The following SNRPN variants were observed in gnomAD, a reference collection of about 807,000 sequenced individuals.
SNRPN encodes the protein small nuclear ribonucleoprotein polypeptide N, also known as small nuclear ribonucleoprotein-associated protein N.
SNRPN carries 7 observed loss-of-function variants against 25.2 expected under a neutral mutation model. The observed-to-expected ratio is 0.28, with a 90% CI of 0.16 to 0.52. SNRPN has a LOEUF of 0.52. SNRPN is among the 20% of genes least tolerant of loss of function. The pLI, the probability that SNRPN is intolerant of heterozygous loss-of-function variation, is 0.96. For missense variants in SNRPN, 196 were observed against 322.5 expected, an observed-to-expected ratio of 0.61 and a Z score of 3.00; for synonymous variants, 124 against 110.6, an observed-to-expected ratio of 1.12 and a Z score of -0.76.
chr15:24,945,093 C>T (rs938248078), intron 3 of SNRPN, among the ~76,000 whole-genome samples: 1 of 152,082 alleles, frequency 6.6e-6, no homozygotes, highest in African/African-American at 2.4e-5. Flanking sequence ...CCCATTGACA[C>T]ATAAGATCAC....
Position 24,918,518 on chromosome 15 carries a change from A to ATGTGTG in SNRPN, c.-504-1492_-504-1491insGTGTGT, listed in dbSNP as rs1566909101. On this transcript the variant is annotated intron_variant, in intron 2 of 11. Transcript: ENST00000400097. ...TGTGTGTATATATAACATAATATAT[A>ATGTGTG]TATGTGTATATATAACATAATATAT... 6.5e-4 allele frequency among the ~76,000 whole-genome samples: 85 copies of ATGTGTG among 131,704 alleles called. 3 individuals are homozygous for ATGTGTG. Among genetic ancestry groups the ATGTGTG allele is most frequent in the East Asian group, 1.5e-3 (7 of 4,722 alleles). The allele number at this position is 131,704 out of a possible 152,430, so 86.4% of individuals were successfully genotyped here.
At chr15:24,905,365 T>A (rs2058729274) in intron 2 of SNRPN, among the ~76,000 whole-genome samples, 1 of 151,532 alleles carries the variant, frequency 6.6e-6, no homozygotes, top group African/African-American at 2.4e-5. Flanking sequence ...AAAAATTAAC[T>A]GGGCATGGTG....
chr15:24,936,507 G>T (rs142803858), intron 3 of SNRPN, among the ~76,000 whole-genome samples: 1 of 152,122 alleles, frequency 6.6e-6, no homozygotes, highest in Non-Finnish European at 1.5e-5. Flanking sequence ...TTCCTGCACT[G>T]CTATAAAGAA....
rs552923386 is a variant in SNRPN at position 24,934,096 on chromosome 15, G to A, written c.-391+13972G>A. 5.3e-5 allele frequency among the ~76,000 whole-genome samples: 8 copies of A among 152,102 alleles called. No homozygotes were observed. The East Asian group carries it at 5.8e-4, about 11-fold the overall frequency. ...GCGAATCACCTGAGTTTGGGAGTTC[G>A]AGACCAGCCTGGCCAACATGGTGAA... On this transcript the variant is annotated intron_variant, in intron 3 of 11. Transcript: ENST00000400097.
At chr15:24,949,369 G>T (rs781666007) in intron 3 of SNRPN, among the ~76,000 whole-genome samples, 1 of 152,062 alleles carries the variant, frequency 6.6e-6, no homozygotes, top group South Asian at 2.1e-4. Flanking sequence ...CCATAAAAAC[G>T]CCTGACATGT....
At chr15:24,949,740 T>C (rs2062120858) in intron 3 of SNRPN, among the ~76,000 whole-genome samples, 1 of 152,236 alleles carries the variant, frequency 6.6e-6, no homozygotes, top group Admixed American at 6.5e-5. Flanking sequence ...TTCTTCCATG[T>C]TGTTTCATGA....
chr15:24,871,728 A>G (rs1364560713), intron 1 of SNRPN, among the ~76,000 whole-genome samples: 1 of 151,022 alleles, frequency 6.6e-6, no homozygotes, highest in Non-Finnish European at 1.5e-5. Flanking sequence ...TTTTTGAGAC[A>G]AAGTCTCGCT....
At position 24,881,526 on chromosome 15, in the gene SNRPN, CGA is replaced by C. The variant is rs758798894; in HGVS notation, c.-578-4962_-578-4961del. On this transcript the variant is annotated intron_variant, in intron 1 of 11. Transcript: ENST00000400097. The stretch of plus-strand genomic sequence containing the variant: ...AGCCTGGGCAACAAGAGCGAAACTC[CGA>C]GAGAGAGAGAGAGAGAGAGAGAGAG... Among the ~76,000 whole-genome samples the C allele has an allele frequency of 1.9e-3, 141 of 72,382 alleles. 1 individual carries two copies. Among genetic ancestry groups the C allele is most frequent in the South Asian group, 4.7e-3 (9 of 1,926 alleles). The allele number at this position is 72,382 out of a possible 152,430, so 47.5% of individuals were successfully genotyped here.
At chr15:24,852,952 G>GA (rs920876897), upstream of SNRPN, among the ~76,000 whole-genome samples, 15 of 151,950 alleles carry the variant, frequency 9.9e-5, no homozygotes, top group African/African-American at 3.6e-4. Flanking sequence ...AGAGAGAAAA[G>GA]AAAAAATAAC....
intron 1 of SNRPN, among the ~76,000 whole-genome samples, chr15:24,868,474 A>G (rs148380185): frequency 2.0e-5 from 3 of 152,308 alleles, no homozygotes; most frequent in African/African-American, 4.8e-5. Flanking sequence ...TTTACATAGC[A>G]TAATTACCCA....
At chr15:24,954,866 A>G (rs765908705), upstream of SNRPN, 22 of 773,432 alleles carry the variant, frequency 2.8e-5, no homozygotes, top group Non-Finnish European at 4.4e-5. Context: ...CCGGTGAGGG[A>G]GGGAGCTGGG....
At chr15:24,918,157 C>G (rs1454379560) in intron 2 of SNRPN, among the ~76,000 whole-genome samples, 1 of 151,572 alleles carries the variant, frequency 6.6e-6, no homozygotes, top group Non-Finnish European at 1.5e-5. Flanking sequence ...ACTGAATTTG[C>G]TTTGCTTTTG....
chr15:24,876,531 C>T (rs936967031), intron 1 of SNRPN, among the ~76,000 whole-genome samples: 1 of 150,994 alleles, frequency 6.6e-6, no homozygotes, highest in African/African-American at 2.4e-5. Context: ...GCAGGAGAAT[C>T]GCTTGAGCCC....
At chr15:24,902,394 C>T (rs1054155286) in intron 2 of SNRPN, among the ~76,000 whole-genome samples, 3 of 147,836 alleles carry the variant, frequency 2.0e-5, no homozygotes, top group Non-Finnish European at 3.0e-5. Flanking sequence ...ATAGTAGTAA[C>T]TTAAAAAAAT....
At chr15:24,949,945 A>C (rs1369770512), upstream of SNRPN, among the ~76,000 whole-genome samples, 1 of 151,350 alleles carries the variant, frequency 6.6e-6, no homozygotes, top group Non-Finnish European at 1.5e-5. Flanking sequence ...CTCCCACCTC[A>C]GTTTGGGTAG....
chr15:24,876,009 G>A (rs992344254), intron 1 of SNRPN, among the ~76,000 whole-genome samples: 4 of 150,974 alleles, frequency 2.6e-5, no homozygotes, highest in African/African-American at 9.7e-5. Context: ...AGCCGAGACT[G>A]TGCCACTGCA....
chr15:24,944,569 T>C (rs1019986463), intron 3 of SNRPN, among the ~76,000 whole-genome samples: 1 of 152,170 alleles, frequency 6.6e-6, no homozygotes, highest in African/African-American at 2.4e-5. Context: ...AGTGTTCTTT[T>C]GATTACTCGT....
chr15:24,834,957 G>GTATATATATCTATATATAAAATAGA (rs58935846), intron 2 of SNRPN, among the ~76,000 whole-genome samples: 1 of 20,788 alleles, frequency 4.8e-5, no homozygotes, highest in Non-Finnish European at 7.6e-5. Context: ...AATATATATA[G>GTATATATATCTATATATAAAATAGA]TATATATAGT....
At chr15:24,919,226 A>G (rs533449816) in intron 2 of SNRPN, among the ~76,000 whole-genome samples, 2,296 of 151,574 alleles carry the variant, frequency 0.015, 57 homozygotes, top group African/African-American at 0.051. Context: ...TCAGGAGATT[A>G]AGACCATCCT....
Sources: gnomAD v4.1 joint callset for allele counts (sites outside exome capture counted in the v4.1 genomes callset) on GRCh38, gnomAD v4.1.1 for gene constraint, MANE v1.5 for transcripts, NCBI Gene and HGNC (gene_info 2026-07-23, HGNC 2026-07-21) for gene names.